The following WIPF2 variants were observed in gnomAD, a reference collection of about 807,000 sequenced individuals.
The protein encoded by WIPF2 is WAS/WASL interacting protein family member 2.
In WIPF2, 23 loss-of-function variants were observed where a neutral mutation model predicts 38.8. The observed-to-expected ratio is 0.59, with a 90% CI of 0.43 to 0.84. The LOEUF is 0.84. Among genes scored for constraint, WIPF2 ranks in the 40% least tolerant of loss-of-function variants. The probability of loss-of-function intolerance (pLI) is 0.00; values close to 1 mark genes in which losing one functional copy is unlikely to be tolerated. For synonymous variants in WIPF2, 210 were observed against 223.2 expected (o/e 0.94, Z 0.53); for missense variants, 574 against 580.5 (o/e 0.99, Z 0.11).
chr17:40,251,411 A>G (rs1043158332), intron 1 of WIPF2, among the ~76,000 whole-genome samples: 1 of 151,682 alleles, frequency 6.6e-6, no homozygotes, highest in African/African-American at 2.4e-5. Flanking sequence ...TATAAGTCTC[A>G]GTCCTAATTT....
At chr17:40,244,373 A>T (rs2031289100) in intron 1 of WIPF2, among the ~76,000 whole-genome samples, 1 of 151,990 alleles carries the variant, frequency 6.6e-6, no homozygotes, top group Non-Finnish European at 1.5e-5. Flanking sequence ...TAGGGACTGG[A>T]TGCCATTATG....
At chr17:40,243,267 T>G (rs1310022008) in intron 1 of WIPF2, among the ~76,000 whole-genome samples, 1 of 152,150 alleles carries the variant, frequency 6.6e-6, no homozygotes, top group Admixed American at 6.6e-5. Flanking sequence ...TTAACATTAG[T>G]GTCACTGCAG....
At chr17:40,254,019 A>ATTT (rs200675837) in intron 1 of WIPF2, among the ~76,000 whole-genome samples, 1 of 141,638 alleles carries the variant, frequency 7.1e-6, no homozygotes. Flanking sequence ...TGCTGGTTTG[A>ATTT]TTTTTTTTTT....
At chr17:40,244,149 C>T (rs556515660) in intron 1 of WIPF2, among the ~76,000 whole-genome samples, 1 of 152,166 alleles carries the variant, frequency 6.6e-6, no homozygotes, top group East Asian at 1.9e-4. Context: ...AGTCTGTTTC[C>T]TTGTACTTTA....
rs2031947044 is a variant in WIPF2, at chr17:40,262,558, G to A, written c.230G>A (p.Gly77Glu). 6.2e-7 allele frequency: 1 copy of A among 1,613,936 alleles called. No individual in the cohort carries two copies. The highest frequency in any genetic ancestry group is 1.3e-5 in the African/African-American group (1 of 74,934). ...GGAAGCAGTGGTGGCTATGGCTCTG[G>A]AGGAGCTGCCCTGCAGCCCAAGGGA... ...PKGSSGGYGSGGAALQPKGGL... is the reference protein window; with the variant it reads ...PKGSSGGYGSEGAALQPKGGL... The change falls in exon 4 of 8, where the codon GGA (glycine) becomes GAA (glutamate). Residue 77 changes from glycine (G) to glutamate (E), a missense_variant. Coordinates refer to ENST00000323571, the MANE Select transcript of WIPF2 (RefSeq NM_133264.5).
In WIPF2 at chr17:40,280,161, C is replaced by G. The variant is rs1209514336; in HGVS notation, c.*1936C>G. The G allele has an allele frequency of 2.0e-5, 3 of 152,174 alleles. No individual in the cohort carries two copies. Among genetic ancestry groups the G allele is most frequent in the Non-Finnish European group, 4.4e-5 (3 of 68,038 alleles). The allele number at this position is 152,174 out of a possible 1,614,324, so 9.4% of individuals were successfully genotyped here. A position where few individuals can be genotyped will look rare whatever the true frequency, so the allele number is the denominator to read the frequency against. ...GTTAGCAGTTATCTCCCAGAAGTAT[C>G]CCTAGCATCCTGAAGCAAACAGAAC... On this transcript the variant is annotated 3_prime_UTR_variant, in exon 8 of 8. Transcript: ENST00000323571.
At chr17:40,234,048 A>G (rs2145298892) in intron 1 of WIPF2, among the ~76,000 whole-genome samples, 1 of 151,134 alleles carries the variant, frequency 6.6e-6, no homozygotes, top group Non-Finnish European at 1.5e-5. Flanking sequence ...GGGCAACAAG[A>G]AGAAAACTCC....
At chr17:40,250,460 A>G (rs2031523613) in intron 1 of WIPF2, among the ~76,000 whole-genome samples, 1 of 149,626 alleles carries the variant, frequency 6.7e-6, no homozygotes, top group South Asian at 2.1e-4. Flanking sequence ...CGTGTTGGAC[A>G]AGATGGTCTC....
intron 5 of WIPF2, among the ~76,000 whole-genome samples, chr17:40,267,210 A>G (rs1220262439): frequency 6.6e-6 from 1 of 152,172 alleles, no homozygotes; most frequent in Non-Finnish European, 1.5e-5. Flanking sequence ...GCAGGTACAG[A>G]AAAAGAGTAG....
intron 2 of WIPF2, among the ~76,000 whole-genome samples, chr17:40,258,531 C>T (rs2145368281): frequency 6.6e-6 from 1 of 152,174 alleles, no homozygotes; most frequent in South Asian, 2.1e-4. Context: ...GTCAGGGTTG[C>T]AGTGAGCCGA....
At chr17:40,256,662 C>A in intron 2 of WIPF2, 140 bp downstream of exon 2, 1 of 1,222,658 alleles carries the variant, frequency 8.2e-7, no homozygotes, top group Non-Finnish European at 1.1e-6. Flanking sequence ...TTCTTTAATT[C>A]TGTTTTTAAC....
At chr17:40,224,809 G>A (rs1177363323) in intron 1 of WIPF2, among the ~76,000 whole-genome samples, 3 of 151,962 alleles carry the variant, frequency 2.0e-5, no homozygotes. Context: ...AAGAATAGTT[G>A]TAGAGACACA....
At chr17:40,265,795 A>G (rs2032069929) in intron 5 of WIPF2, among the ~76,000 whole-genome samples, 1 of 152,198 alleles carries the variant, frequency 6.6e-6, no homozygotes, top group South Asian at 2.1e-4. Flanking sequence ...GAGAAGTAGT[A>G]TGATTTGATT....
chr17:40,273,882 A>G lies in WIPF2; in HGVS notation c.1063A>G (p.Ser355Gly), dbSNP rs2032313837. The change falls in exon 6 of 8, where the codon AGC becomes GGC. Residue 355 changes from serine to glycine, a missense_variant. Coordinates refer to ENST00000323571, the MANE Select transcript of WIPF2 (RefSeq NM_133264.5). ...PYRMHGSEPP[S>G]RGKPPPPPSR... is the part of the protein sequence containing the mutation. ...CCGAATGCATGGGTCAGAACCCCCG[A>G]GCCGAGGAAAGCCCCCACCTCCACC... 2 of 1,259,528 alleles carry G rather than the reference A, an allele frequency of 1.6e-6. No homozygotes were observed. Among genetic ancestry groups the G allele is most frequent in the Admixed American group, 2.2e-5 (1 of 46,200 alleles). The allele number at this position is 1,259,528 out of a possible 1,614,324, so 78.0% of individuals were successfully genotyped here.
Position 40,278,426 on chromosome 17 carries a change from C to T in WIPF2, c.*201C>T, listed in dbSNP as rs11543299. The stretch of plus-strand genomic sequence containing the variant: ...ATTTGGTGATCAGACTCTATATTGA[C>T]AGTAGGATCTCAAACCCTGCATCCA... On this transcript the variant is annotated 3_prime_UTR_variant, in exon 8 of 8. Coordinates refer to ENST00000323571, the MANE Select transcript of WIPF2 (RefSeq NM_133264.5). 3.3e-6 allele frequency: 2 copies of T among 604,400 alleles called. No homozygotes were observed. Among genetic ancestry groups the T allele is most frequent in the Admixed American group, 3.1e-5 (1 of 32,730 alleles). 37.4% of individuals were successfully genotyped at this position (604,400 alleles called of 1,614,324 possible).
At chr17:40,264,055 G>A (rs1379138351) in intron 4 of WIPF2, among the ~76,000 whole-genome samples, 1 of 151,858 alleles carries the variant, frequency 6.6e-6, no homozygotes, top group Non-Finnish European at 1.5e-5. Context: ...GAACTAGGCC[G>A]GACGTGGTGG....
At chr17:40,263,879 AT>A (rs2031992826) in intron 4 of WIPF2, among the ~76,000 whole-genome samples, 2 of 152,270 alleles carry the variant, frequency 1.3e-5, no homozygotes, top group Non-Finnish European at 2.9e-5. Context: ...ATTAAAAAAA[AT>A]ATGTGAGGTG....
intron 6 of WIPF2, among the ~76,000 whole-genome samples, chr17:40,274,916 A>G (rs1408463287): frequency 7.1e-6 from 1 of 140,664 alleles, no homozygotes; most frequent in Non-Finnish European, 1.5e-5. Flanking sequence ...TGGGCGACAG[A>G]GAGAGAATCT....
intron 1 of WIPF2, among the ~76,000 whole-genome samples, chr17:40,239,159 C>T (rs2031092257): frequency 1.3e-5 from 2 of 151,584 alleles, no homozygotes; most frequent in Non-Finnish European, 2.9e-5. Context: ...GCAAGCTCCG[C>T]CTCCCAGGTT....
Sources: allele counts gnomAD v4.1 joint callset (sites outside exome capture counted in the v4.1 genomes callset), GRCh38; gene constraint gnomAD v4.1.1; transcripts MANE v1.5; gene names NCBI Gene and HGNC (gene_info 2026-07-23, HGNC 2026-07-21).